DMRT1: variants seen among roughly 807,000 people sequenced by gnomAD.
DMRT1 encodes doublesex- and mab-3-related transcription factor 1.
In DMRT1, 7 loss-of-function variants were observed where a neutral mutation model predicts 32.3. That is an observed-to-expected ratio of 0.22 (90% CI 0.12 to 0.41). DMRT1 has a LOEUF of 0.41. Among genes scored for constraint, DMRT1 ranks in the 10% least tolerant of loss-of-function variants. The pLI is 1.00. For synonymous variants in DMRT1, 278 were observed against 206.1 expected, an observed-to-expected ratio of 1.35 and a Z score of -2.99; for missense variants, 625 against 500.5, an observed-to-expected ratio of 1.25 and a Z score of -2.37.
intron 2 of DMRT1, among the ~76,000 whole-genome samples, chr9:875,402 C>T (rs2887677): frequency 0.31 from 46,473 of 151,984 alleles, 8,322 homozygotes; most frequent in Non-Finnish European, 0.4. Context: ...TGACACAGGC[C>T]GGACCCTCCC....
rs1838691752 is a variant in DMRT1 at position 841,816 on chromosome 9, C to T, written c.-23C>T. On this transcript the variant is annotated 5_prime_UTR_variant, in exon 1 of 5. Transcript: ENST00000382276. ...CCAGGCGAGAGAGGGGGCCAGAGTG[C>T]TCGCACTTCTCCTAGGGGCACCATG... 2 of 1,597,796 alleles carry T rather than the reference C, an allele frequency of 1.3e-6. No individual in the cohort carries two copies. The highest frequency in any genetic ancestry group is 1.8e-4 in the Middle Eastern group (1 of 5,538).
At chr9:919,080 C>G (rs1818273879) in intron 4 of DMRT1, among the ~76,000 whole-genome samples, 1 of 152,156 alleles carries the variant, frequency 6.6e-6, no homozygotes, top group Non-Finnish European at 1.5e-5. Context: ...TCAGTATATT[C>G]ATTTGTGAGA....
chr9:890,701 CTATT>C (rs1034950101), intron 2 of DMRT1, among the ~76,000 whole-genome samples: 13 of 151,976 alleles, frequency 8.6e-5, no homozygotes, highest in African/African-American at 1.9e-4. Flanking sequence ...ACTTAAACCT[CTATT>C]TATTTCTTTA....
At chr9:885,934 A>G (rs1267510122) in intron 2 of DMRT1, among the ~76,000 whole-genome samples, 1 of 152,188 alleles carries the variant, frequency 6.6e-6, no homozygotes, top group Non-Finnish European at 1.5e-5. Flanking sequence ...TATTCATTAT[A>G]ACAACACAGC....
At chr9:924,251 T>C (rs2129817418) in intron 4 of DMRT1, among the ~76,000 whole-genome samples, 1 of 152,108 alleles carries the variant, frequency 6.6e-6, no homozygotes, top group Non-Finnish European at 1.5e-5. Flanking sequence ...TTTGTATTTT[T>C]AGTAGAGATG....
At chr9:860,863 GAGGC>G (rs1188135691) in intron 2 of DMRT1, among the ~76,000 whole-genome samples, 13 of 152,176 alleles carry the variant, frequency 8.5e-5, no homozygotes, top group African/African-American at 3.1e-4. Context: ...AGACTGTGCT[GAGGC>G]AGGCAGCTGT....
In DMRT1 at chr9:847,090, G is replaced by C. The variant is rs1005192378; in HGVS notation, c.485G>C (p.Cys162Ser). Residue 162 changes from cysteine to serine, a missense_variant, in exon 2 of 5, where the codon TGC becomes TCC. Physicochemically the swap from Cys to Ser is moderately radical, Grantham distance 112. Around this residue, in one of 3 missense-constraint regions of DMRT1, gnomAD observed 416 missense variants for 321.6 expected, o/e 1.29. Coordinates refer to ENST00000382276, the MANE Select transcript of DMRT1 (RefSeq NM_021951.3). ...NGSNPCLMTE[C>S]SGTSQPPPAS... Reference sequence around the variant, plus strand: ...AGTAACCCGTGCCTCATGACTGAGTGCAGTGGCACCTCTCAGCCACCGCCG... The same window carrying C: ...AGTAACCCGTGCCTCATGACTGAGTCCAGTGGCACCTCTCAGCCACCGCCG... 1.1e-5 allele frequency: 17 copies of C among 1,613,850 alleles called. No individual in the cohort carries two copies. Among genetic ancestry groups the C allele is most frequent in the Non-Finnish European group, 1.4e-5 (16 of 1,180,042 alleles).
At chr9:950,513 A>G (rs1819394390) in intron 4 of DMRT1, among the ~76,000 whole-genome samples, 1 of 152,132 alleles carries the variant, frequency 6.6e-6, no homozygotes, top group South Asian at 2.1e-4. Flanking sequence ...AAGGATGTTA[A>G]TATCCACCTC....
At chr9:931,596 C>T (rs769565005) in intron 4 of DMRT1, among the ~76,000 whole-genome samples, 6 of 152,154 alleles carry the variant, frequency 3.9e-5, no homozygotes, top group Admixed American at 6.5e-5. Context: ...AGTTGCTTTC[C>T]GGTAAGGCTT....
At chr9:898,333 T>C (rs1390168941) in intron 3 of DMRT1, among the ~76,000 whole-genome samples, 1 of 152,196 alleles carries the variant, frequency 6.6e-6, no homozygotes, top group East Asian at 1.9e-4. Flanking sequence ...TTGTCCAGGC[T>C]GTTCTCAAAC....
At chr9:887,737 C>T (rs1219536393) in intron 2 of DMRT1, among the ~76,000 whole-genome samples, 1 of 152,164 alleles carries the variant, frequency 6.6e-6, no homozygotes, top group African/African-American at 2.4e-5. Flanking sequence ...TTTTCTGACA[C>T]CTCTCTATAT....
chr9:955,717 G>A (rs1819579787), intron 4 of DMRT1, among the ~76,000 whole-genome samples: 1 of 152,190 alleles, frequency 6.6e-6, no homozygotes, highest in Admixed American at 6.5e-5. Flanking sequence ...AAAAGCAGCA[G>A]CAAAAAACTA....
chr9:905,250 A>G (rs1817727757), intron 3 of DMRT1, among the ~76,000 whole-genome samples: 1 of 152,300 alleles, frequency 6.6e-6, no homozygotes, highest in South Asian at 2.1e-4. Flanking sequence ...ATCACCATTG[A>G]GATGCACAGC....
At chr9:934,748 C>A (rs923780505) in intron 4 of DMRT1, among the ~76,000 whole-genome samples, 2 of 152,168 alleles carry the variant, frequency 1.3e-5, no homozygotes, top group Non-Finnish European at 2.9e-5. Context: ...TAAACACTCT[C>A]CTTTCCTCCA....
chr9:916,715 T>G, intron 3 of DMRT1, 48 bp from the exon 4 acceptor site: 1 of 1,604,036 alleles, frequency 6.2e-7, no homozygotes, highest in East Asian at 2.2e-5. Context: ...GTACTAGTTG[T>G]GACATGCAAT....
At position 846,968 on chromosome 9, in the gene DMRT1, G is replaced by A; in HGVS notation, c.363G>A (p.Leu121=). The change falls in exon 2 of 5, where the codon CTG becomes CTA. Residue 121 remains leucine (L), a synonymous_variant. Transcript: ENST00000382276. ...TTGTCGTGTGCTTCCAGGTGGCCCT[G>A]AGAAGGCAGCAGGCCCAGGAGGAGG... ...RQRVMAAQVA[L]RRQQAQEEEL... 1 of 1,614,154 alleles carries A rather than the reference G, an allele frequency of 6.2e-7. No homozygotes were observed.
chr9:906,640 G>A (rs776299687), intron 3 of DMRT1, among the ~76,000 whole-genome samples: 1 of 152,072 alleles, frequency 6.6e-6, no homozygotes, highest in African/African-American at 2.4e-5. Context: ...GATGTTTCTG[G>A]TTCTGAAATC....
At chr9:947,698 A>G (rs1819292843) in intron 4 of DMRT1, among the ~76,000 whole-genome samples, 1 of 152,102 alleles carries the variant, frequency 6.6e-6, no homozygotes, top group Non-Finnish European at 1.5e-5. Context: ...ATCTCGGCTC[A>G]CTGCAGCCTC....
chr9:889,760 C>T (rs950479396), intron 2 of DMRT1, among the ~76,000 whole-genome samples: 4 of 152,080 alleles, frequency 2.6e-5, no homozygotes, highest in African/African-American at 9.7e-5. Context: ...TATTCGTCTG[C>T]TACTGTATTT....
Sources: allele counts gnomAD v4.1 joint callset (sites outside exome capture counted in the v4.1 genomes callset), GRCh38; gene constraint gnomAD v4.1.1; regional missense constraint gnomAD v4.1.1; transcripts MANE v1.5; gene names NCBI Gene and HGNC (gene_info 2026-07-23, HGNC 2026-07-21).